CDH19: variants seen among roughly 807,000 people sequenced by gnomAD.
CDH19 encodes the protein cadherin-19.
Under a neutral mutation model 64.2 loss-of-function variants are expected in CDH19, and 67 were observed. The observed-to-expected ratio is 1.04, with a 90% CI of 0.86 to 1.28. The LOEUF (loss-of-function observed/expected upper bound fraction) is 1.28, where lower values mean the gene tolerates loss of function less well. CDH19 is among the 50% of genes most tolerant of loss of function. CDH19 has a pLI of 0.00. For synonymous variants in CDH19, 346 were observed against 319.3 expected (o/e 1.08, Z -0.89); for missense variants, 1,030 against 929.0 (o/e 1.11, Z -1.41).
intron 9 of CDH19, among the ~76,000 whole-genome samples, chr18:66,525,378 G>A (rs913161315): frequency 1.1e-4 from 16 of 152,106 alleles, no homozygotes; most frequent in African/African-American, 3.9e-4. Context: ...TGCTTCATTG[G>A]TTTTAGTGTT....
chr18:66,508,008 T>C (rs1004165391), intron 11 of CDH19, among the ~76,000 whole-genome samples: 1 of 151,898 alleles, frequency 6.6e-6, no homozygotes, highest in African/African-American at 2.4e-5. Context: ...TTTCCATCAG[T>C]GAATTAATGG....
chr18:66,578,209 G>A (rs765357125), intron 1 of CDH19, among the ~76,000 whole-genome samples: 7 of 151,996 alleles, frequency 4.6e-5, no homozygotes, highest in Non-Finnish European at 1.0e-4. Context: ...GAGGAAACAA[G>A]TCACAGACTG....
Position 66,531,827 on chromosome 18 carries a change from A to G in CDH19, c.1337-1861T>C, listed in dbSNP as rs79594995. Among the ~76,000 whole-genome samples, 769 of 152,274 alleles carry G rather than the reference A, an allele frequency of 5.1e-3. 11 individuals carry two copies. The highest frequency in any genetic ancestry group is 0.017 in the African/African-American group (723 of 41,552). On this transcript the variant is annotated intron_variant, in intron 8 of 11. Transcript: ENST00000262150. The stretch of plus-strand genomic sequence containing the variant: ...GCAATTGCATAAATTACATGAAGCA[A>G]TTACACAAATTGGTTAATATACATA...
At chr18:66,558,970 C>G (rs1987620728) in intron 3 of CDH19, among the ~76,000 whole-genome samples, 1 of 151,966 alleles carries the variant, frequency 6.6e-6, no homozygotes, top group Non-Finnish European at 1.5e-5. Flanking sequence ...GTAATTACTT[C>G]CGTTCATGTC....
In CDH19 at chr18:66,545,013, C is replaced by G; in HGVS notation, c.776-110G>C. The G allele has an allele frequency of 3.8e-6, 3 of 798,826 alleles. No individual in the cohort carries two copies. The African/African-American group carries it at 5.3e-5, about 14-fold the overall frequency. 49.5% of individuals were successfully genotyped at this position (798,826 alleles called of 1,614,324 possible). On this transcript the variant is annotated intron_variant, in intron 5 of 11. Coordinates refer to ENST00000262150, the MANE Select transcript of CDH19 (RefSeq NM_021153.4). ...TGTTTTTTCGAGACGGAGTCTCATTCTGTCGCCCAGGCTGGAGTGCAGTGG... is the reference window on the plus strand; with the variant it reads ...TGTTTTTTCGAGACGGAGTCTCATTGTGTCGCCCAGGCTGGAGTGCAGTGG...
intron 1 of CDH19, among the ~76,000 whole-genome samples, chr18:66,573,893 CCACACACACACACA>C (rs140587493): frequency 1.4e-5 from 2 of 145,156 alleles, no homozygotes; most frequent in African/African-American, 2.5e-5. Context: ...ACCACTGAAG[CCACACACACACACA>C]CACACACACA....
chr18:66,543,498 A>T (rs1215833694), intron 7 of CDH19, among the ~76,000 whole-genome samples: 3 of 152,140 alleles, frequency 2.0e-5, no homozygotes, highest in Non-Finnish European at 4.4e-5. Context: ...ATTTTACTGC[A>T]TCTTAACCGA....
At chr18:66,539,920 GTTAT>G (rs1986823977) in intron 7 of CDH19, among the ~76,000 whole-genome samples, 1 of 151,950 alleles carries the variant, frequency 6.6e-6, no homozygotes, top group Non-Finnish European at 1.5e-5. Context: ...GTATGCTAAG[GTTAT>G]TTATCTTTTA....
At chr18:66,584,289 G>A (rs144492691) in intron 1 of CDH19, among the ~76,000 whole-genome samples, 3 of 151,942 alleles carry the variant, frequency 2.0e-5, no homozygotes, top group African/African-American at 7.2e-5. Flanking sequence ...TCAAAAGTAC[G>A]AGATACCATC....
intron 1 of CDH19, among the ~76,000 whole-genome samples, chr18:66,590,485 AATGTCT>A (rs752557659): frequency 6.6e-6 from 1 of 151,556 alleles, no homozygotes; most frequent in Non-Finnish European, 1.5e-5. Context: ...ACCTTTAACC[AATGTCT>A]TTGCAGAAGC....
chr18:66,544,868 T>A lies in CDH19; in HGVS notation c.811A>T (p.Thr271Ser), dbSNP rs970744296. The change falls in exon 6 of 12, where the codon ACT (threonine) becomes TCT (serine). Residue 271 changes from threonine to serine, a missense_variant. By Grantham distance (58) the Thr-to-Ser change is moderately conservative. Transcript: ENST00000262150. ...ATGATTGTTCCTATAGAAGTCCCAG[T>A]GGGTGCAGATTCAGAGACAGTCAAG... ...YRLTVSESAP[T>S]GTSIGTIMAY... 6.6e-5 allele frequency: 107 copies of A among 1,611,698 alleles called. No individual in the cohort carries two copies. Among genetic ancestry groups the A allele is most frequent in the Non-Finnish European group, 9.1e-5 (107 of 1,179,054 alleles).
intron 1 of CDH19, among the ~76,000 whole-genome samples, chr18:66,588,835 A>G (rs971673365): frequency 6.6e-6 from 1 of 151,750 alleles, no homozygotes; most frequent in African/African-American, 2.4e-5. Context: ...AGTGGAATAT[A>G]TGCAGATACA....
At chr18:66,591,339 G>A (rs193113785) in intron 1 of CDH19, among the ~76,000 whole-genome samples, 1 of 151,922 alleles carries the variant, frequency 6.6e-6, no homozygotes, top group African/African-American at 2.4e-5. Context: ...ATAATCACTG[G>A]TAATCACCCA....
chr18:66,547,169 G>C (rs1017868775), intron 5 of CDH19, among the ~76,000 whole-genome samples: 1 of 152,148 alleles, frequency 6.6e-6, no homozygotes, highest in African/African-American at 2.4e-5. Flanking sequence ...GTGCCAAAGT[G>C]CTAGGGATGG....
At chr18:66,582,701 C>CTATACTGG (rs1429210546) in intron 1 of CDH19, among the ~76,000 whole-genome samples, 1 of 143,178 alleles carries the variant, frequency 7.0e-6, no homozygotes, top group Admixed American at 7.0e-5. Flanking sequence ...GTCAGAATAG[C>CTATACTGG]TATACTGGAG....
chr18:66,601,323 G>T (rs1169604063), intron 1 of CDH19, among the ~76,000 whole-genome samples: 1 of 151,876 alleles, frequency 6.6e-6, no homozygotes, highest in Non-Finnish European at 1.5e-5. Flanking sequence ...CCACAGGAAT[G>T]ACATTTCTAA....
At chr18:66,528,027 T>C (rs1343757687) in intron 9 of CDH19, among the ~76,000 whole-genome samples, 1 of 151,542 alleles carries the variant, frequency 6.6e-6, no homozygotes, top group African/African-American at 2.4e-5. Flanking sequence ...TAGAAATATG[T>C]TACATCTAAT....
intron 1 of CDH19, among the ~76,000 whole-genome samples, chr18:66,573,578 T>C (rs529869339): frequency 1.3e-5 from 2 of 151,524 alleles, no homozygotes; most frequent in South Asian, 4.2e-4. Context: ...ATATTTTTGG[T>C]AGCTGATGAA....
At chr18:66,591,306 A>C (rs1426039102) in intron 1 of CDH19, among the ~76,000 whole-genome samples, 1 of 151,962 alleles carries the variant, frequency 6.6e-6, no homozygotes, top group Non-Finnish European at 1.5e-5. Context: ...AATGCTTATT[A>C]ATCAGTTCCT....
Sources: gnomAD v4.1 joint callset for allele counts (sites outside exome capture counted in the v4.1 genomes callset) on GRCh38, gnomAD v4.1.1 for gene constraint, MANE v1.5 for transcripts, NCBI Gene and HGNC (gene_info 2026-07-23, HGNC 2026-07-21) for gene names.